The following AKAP12 variants were observed in gnomAD, a reference collection of about 807,000 sequenced individuals.
The protein encoded by AKAP12 is A-kinase anchor protein 12.
In AKAP12, 32 loss-of-function variants were observed where a neutral mutation model predicts 79.9. That is an observed-to-expected ratio of 0.40 (90% CI 0.30 to 0.54). The LOEUF is 0.54. Ranked by LOEUF, AKAP12 falls within the 20% of genes least tolerant of loss-of-function variation. The pLI is 0.48. For missense variants in AKAP12, 2,074 were observed against 2,177.0 expected, an observed-to-expected ratio of 0.95 and a Z score of 0.94; for synonymous variants, 808 against 857.0, an observed-to-expected ratio of 0.94 and a Z score of 1.00.
rs763326563 is a variant in AKAP12 at position 151,350,449 on chromosome 6, A to G, written c.2058A>G (p.Gly686=). 3.1e-6 allele frequency: 5 copies of G among 1,614,086 alleles called. No individual in the cohort carries two copies. The South Asian group carries it at 4.4e-5, about 14-fold the overall frequency. The change falls in exon 4 of 5, where the codon GGA becomes GGG. Residue 686 remains glycine (G), a synonymous_variant. Transcript: ENST00000402676. This position sits in a 1 kb window ranked among gnomAD's most constrained non-coding sequence, Gnocchi z 4.8. ...CTTGGGAAGCTTTAATTTGTGTGGG[A>G]TCATCCAAGAAAAGAGCAAGGAGAG... ...SVSWEALICV[G]SSKKRARRGS...
At chr6:151,259,613 C>G (rs1465203260) in intron 2 of AKAP12, among the ~76,000 whole-genome samples, 3 of 136,390 alleles carry the variant, frequency 2.2e-5, no homozygotes, top group African/African-American at 8.3e-5. Context: ...GAGTCTCACT[C>G]TGTTGCCCAG....
At chr6:151,323,586 C>T (rs776497360) in intron 3 of AKAP12, 14 of 480,466 alleles carry the variant, frequency 2.9e-5, no homozygotes, top group East Asian at 1.5e-4. Context: ...GATGTGTTAG[C>T]GTCTTCATGA....
intron 2 of AKAP12, among the ~76,000 whole-genome samples, chr6:151,291,337 T>A (rs1322232212): frequency 6.6e-6 from 1 of 152,212 alleles, no homozygotes; most frequent in Non-Finnish European, 1.5e-5. Context: ...TCACAGCTGA[T>A]GAGTGGCTTA....
intron 2 of AKAP12, among the ~76,000 whole-genome samples, chr6:151,286,461 C>T (rs1025256538): frequency 1.1e-4 from 17 of 152,184 alleles, no homozygotes; most frequent in Non-Finnish European, 1.6e-4. Context: ...CATGAGGAAG[C>T]GCCAACCCTC....
At chr6:151,263,886 G>C (rs919862174) in intron 2 of AKAP12, among the ~76,000 whole-genome samples, 1 of 152,078 alleles carries the variant, frequency 6.6e-6, no homozygotes, top group African/African-American at 2.4e-5. Flanking sequence ...GCTCTTGAGA[G>C]ATCTTACCGA....
At chr6:151,338,196 C>CT (rs1777864577) in intron 3 of AKAP12, among the ~76,000 whole-genome samples, 1 of 152,132 alleles carries the variant, frequency 6.6e-6, no homozygotes, top group Admixed American at 6.5e-5. Context: ...TATTACAGAA[C>CT]TTTTCTATAA....
intron 3 of AKAP12, among the ~76,000 whole-genome samples, chr6:151,336,743 AAAAT>A (rs1338087016): frequency 1.3e-5 from 2 of 152,210 alleles, no homozygotes; most frequent in Non-Finnish European, 2.9e-5. Flanking sequence ...ACTCTGTCTC[AAAAT>A]AAATAAATAA....
At chr6:151,280,202 T>C (rs1776375083) in intron 2 of AKAP12, among the ~76,000 whole-genome samples, 1 of 152,092 alleles carries the variant, frequency 6.6e-6, no homozygotes, top group African/African-American at 2.4e-5. Flanking sequence ...TTTTAACCAG[T>C]CTCTTTACTG....
Position 151,240,399 on chromosome 6 carries a change from G to A in AKAP12, c.-164G>A, listed in dbSNP as rs1416254207. The A allele has an allele frequency of 2.6e-5, 16 of 607,984 alleles. No homozygotes were observed. The highest frequency in any genetic ancestry group is 2.3e-4 in the African/African-American group (12 of 51,674). 37.7% of individuals were successfully genotyped at this position (607,984 alleles called of 1,614,324 possible). On this transcript the variant is annotated 5_prime_UTR_variant, in exon 2 of 5. Coordinates refer to ENST00000402676, the MANE Select transcript of AKAP12 (RefSeq NM_005100.4). ...TTCTTTTAAGGAGTTTGCCGCGAGC[G>A]CGTCTCCTTCATTCGCAGGCTGGGC...
chr6:151,275,490 A>G (rs1249578697), intron 2 of AKAP12, among the ~76,000 whole-genome samples: 1 of 152,246 alleles, frequency 6.6e-6, no homozygotes, highest in Non-Finnish European at 1.5e-5. Context: ...GAAGGTGGTC[A>G]ACAAAACAGC....
At chr6:151,334,684 C>T (rs1160031911) in intron 3 of AKAP12, among the ~76,000 whole-genome samples, 1 of 150,946 alleles carries the variant, frequency 6.6e-6, no homozygotes, top group Admixed American at 6.6e-5. Flanking sequence ...TGCAGTGGCG[C>T]GATCTCGGCT....
intron 2 of AKAP12, among the ~76,000 whole-genome samples, chr6:151,288,177 G>A (rs1776543839): frequency 1.3e-5 from 2 of 150,920 alleles, no homozygotes; most frequent in African/African-American, 2.4e-5. Context: ...ACAAACCTGC[G>A]TGTTCTGGAC....
At chr6:151,328,055 C>T (rs574199307) in intron 3 of AKAP12, among the ~76,000 whole-genome samples, 3 of 152,264 alleles carry the variant, frequency 2.0e-5, no homozygotes, top group South Asian at 2.1e-4. Context: ...CAACCGGGCG[C>T]GGTGGCTCAC....
At chr6:151,306,264 G>A (rs1367375109) in intron 3 of AKAP12, among the ~76,000 whole-genome samples, 1 of 152,190 alleles carries the variant, frequency 6.6e-6, no homozygotes, top group Non-Finnish European at 1.5e-5. Context: ...AACTCTTTCT[G>A]ATAGGCGCAT....
At chr6:151,254,570 C>T (rs955233986) in intron 2 of AKAP12, among the ~76,000 whole-genome samples, 3 of 152,186 alleles carry the variant, frequency 2.0e-5, no homozygotes, top group African/African-American at 4.8e-5. Flanking sequence ...AGACTGATGT[C>T]GAACTCTTGA....
In AKAP12 at chr6:151,352,802, G is replaced by GA. The variant is rs1453318034; in HGVS notation, c.4412dup (p.Asp1471GlufsTer44). The GA allele has an allele frequency of 6.2e-7, 1 of 1,614,218 alleles. No individual in the cohort carries two copies. Among genetic ancestry groups the GA allele is most frequent in the African/African-American group, 1.3e-5 (1 of 75,052 alleles). ...AGACTTTGCCGCTCATCCAGGGGAA[G>GA]ATGCTGTGCCCACAGGGCCCGACTG... On this transcript the variant is annotated frameshift_variant, in exon 4 of 5. Coordinates refer to ENST00000402676, the MANE Select transcript of AKAP12 (RefSeq NM_005100.4). LOFTEE classifies it low-confidence loss of function (END_TRUNC).
At chr6:151,264,219 C>T (rs575664389) in intron 2 of AKAP12, among the ~76,000 whole-genome samples, 27 of 152,136 alleles carry the variant, frequency 1.8e-4, no homozygotes, top group African/African-American at 5.3e-4. Flanking sequence ...GGGAAGGAGA[C>T]GTGAATGAAC....
intron 3 of AKAP12, among the ~76,000 whole-genome samples, chr6:151,342,714 A>G (rs1777984109): frequency 6.6e-6 from 1 of 152,210 alleles, no homozygotes; most frequent in Non-Finnish European, 1.5e-5. Flanking sequence ...CACTTACTCT[A>G]TATAAAGAGA....
At chr6:151,345,791 TAA>T (rs543919392) in intron 3 of AKAP12, among the ~76,000 whole-genome samples, 14 of 128,812 alleles carry the variant, frequency 1.1e-4, no homozygotes, top group Admixed American at 1.6e-4. Context: ...GACTCTGTCT[TAA>T]AAAAAAAAAA....
Sources: gnomAD v4.1 joint callset for allele counts (sites outside exome capture counted in the v4.1 genomes callset) on GRCh38, gnomAD v4.1.1 for gene constraint, Gnocchi (gnomAD v3.1) non-coding constraint, MANE v1.5 for transcripts, NCBI Gene and HGNC (gene_info 2026-07-23, HGNC 2026-07-21) for gene names.